The following HGD variants were observed in gnomAD, a reference collection of about 807,000 sequenced individuals.
The protein encoded by HGD is homogentisate 1,2-dioxygenase, also known as homogentisate oxidase.
Under a neutral mutation model 60.8 loss-of-function variants are expected in HGD, and 61 were observed. That is an observed-to-expected ratio of 1.00 (90% CI 0.82 to 1.24). The LOEUF is 1.24. Ranked by LOEUF, HGD falls within the 50% of genes most tolerant of loss-of-function variation. HGD has a pLI of 0.00. For missense variants in HGD, 542 were observed against 547.1 expected (o/e 0.99, Z 0.09); for synonymous variants, 212 against 187.7 (o/e 1.13, Z -1.06).
At position 120,652,942 on chromosome 3, in the gene HGD, T is replaced by G. The variant is rs2551605; in HGVS notation, c.283-291A>C. On this transcript the variant is annotated intron_variant, in intron 4 of 13. Transcript: ENST00000283871. ...TTATAAAAATAAAACCATTGCTTCC[T>G]TTTTTAGAAGCTATTTGTTTCTTTT... Among the ~76,000 whole-genome samples the G allele has an allele frequency of 3.9e-5, 6 of 152,186 alleles. No individual in the cohort carries two copies. In the East Asian group the frequency reaches 1.2e-3, roughly 29 times the overall value.
intron 6 of HGD, among the ~76,000 whole-genome samples, chr3:120,648,732 G>C (rs1941241013): frequency 6.6e-6 from 1 of 152,220 alleles, no homozygotes; most frequent in Non-Finnish European, 1.5e-5. Flanking sequence ...GGGAACCTTA[G>C]AAATTAAGGA....
chr3:120,658,676 T>C (rs1056747943), intron 4 of HGD, among the ~76,000 whole-genome samples: 5 of 152,194 alleles, frequency 3.3e-5, no homozygotes, highest in African/African-American at 1.2e-4. Flanking sequence ...CAACCCCACA[T>C]TTCCCCTCCA....
chr3:120,673,486 A>T (rs1381697177), intron 3 of HGD, among the ~76,000 whole-genome samples: 1 of 149,418 alleles, frequency 6.7e-6, no homozygotes. Flanking sequence ...CTGCGTGCTT[A>T]TCTTACCCTA....
Position 120,628,225 on chromosome 3 carries a change from T to C in HGD, c.*155A>G, listed in dbSNP as rs776810530. On this transcript the variant is annotated 3_prime_UTR_variant, in exon 14 of 14. Transcript: ENST00000283871. Reference sequence around the variant, plus strand: ...TAATTAAGGTGACAGCCATAGAACTTTGCAAATGCGTTTCCATAAAAGTTC... The same window carrying C: ...TAATTAAGGTGACAGCCATAGAACTCTGCAAATGCGTTTCCATAAAAGTTC... The C allele has an allele frequency of 2.0e-4, 163 of 802,234 alleles. No individual in the cohort carries two copies. The highest frequency in any genetic ancestry group is 3.0e-4 in the Non-Finnish European group (141 of 476,530). 49.7% of individuals were successfully genotyped at this position (802,234 alleles called of 1,614,324 possible). A position where few individuals can be genotyped will look rare whatever the true frequency, so the allele number is the denominator to read the frequency against.
chr3:120,636,116 CAAAAAAA>C (rs34434001), intron 12 of HGD, among the ~76,000 whole-genome samples: 99 of 113,218 alleles, frequency 8.7e-4, no homozygotes, highest in African/African-American at 3.2e-3. Flanking sequence ...ACTAACAATA[CAAAAAAA>C]AAAAAAAAAA....
rs1259944792 is a variant in HGD, at chr3:120,644,313, C to T, written c.774+6G>A. 1.2e-6 allele frequency: 2 copies of T among 1,612,548 alleles called. No individual in the cohort carries two copies. Among genetic ancestry groups the T allele is most frequent in the Non-Finnish European group, 1.7e-6 (2 of 1,178,782 alleles). On this transcript the variant is annotated splice_donor_region_variant and intron_variant, in intron 10 of 13. Coordinates refer to ENST00000283871, the MANE Select transcript of HGD (RefSeq NM_000187.4). ...CCTCCCTTGCCTGCCAACCCTTTTA[C>T]TTTACCTGTTTGGCAGCAAACAGCT...
chr3:120,628,874 A>G (rs945256263), intron 13 of HGD, among the ~76,000 whole-genome samples: 1 of 152,232 alleles, frequency 6.6e-6, no homozygotes, highest in African/African-American at 2.4e-5. Flanking sequence ...GGGAATATCC[A>G]TCTTCTGAGG....
At chr3:120,637,641 C>A (rs911305514) in intron 12 of HGD, among the ~76,000 whole-genome samples, 3 of 152,024 alleles carry the variant, frequency 2.0e-5, no homozygotes, top group Non-Finnish European at 4.4e-5. Context: ...TCTCTCTCTT[C>A]TTATTTCTCT....
At position 120,646,281 on chromosome 3, in the gene HGD, T is replaced by A. The variant is rs1297535948; in HGVS notation, c.635A>T (p.Asp212Val). ...EVYGVHFELP[D>V]LGPIGANGLA... ...TGAAGATTTACCAATTGGTCCAAGGTCAGGTAACTCAAAGTGGACACCATA... is the reference window on the plus strand; with the variant it reads ...TGAAGATTTACCAATTGGTCCAAGGACAGGTAACTCAAAGTGGACACCATA... Residue 212 changes from aspartate to valine, a missense_variant, in exon 9 of 14, where the codon GAC becomes GTC. By Grantham distance (152) the Asp-to-Val change is radical. Around this residue, in one of 2 missense-constraint regions of HGD, gnomAD observed 537 missense variants for 529.1 expected, o/e 1.01. Transcript: ENST00000283871. The A allele has an allele frequency of 6.8e-6, 11 of 1,607,862 alleles. No individual in the cohort carries two copies. The highest frequency in any genetic ancestry group is 9.4e-6 in the Non-Finnish European group (11 of 1,174,444).
chr3:120,628,252 G>C lies in HGD; in HGVS notation c.*128C>G, dbSNP rs1192072358. 1 of 1,046,916 alleles carries C rather than the reference G, an allele frequency of 9.6e-7. No homozygotes were observed. Among genetic ancestry groups the C allele is most frequent in the Non-Finnish European group, 1.5e-6 (1 of 678,182 alleles). The allele number at this position is 1,046,916 out of a possible 1,614,324, so 64.9% of individuals were successfully genotyped here. A position where few individuals can be genotyped will look rare whatever the true frequency, so the allele number is the denominator to read the frequency against. The stretch of plus-strand genomic sequence containing the variant: ...GCAAATGCGTTTCCATAAAAGTTCT[G>C]AGTTACTTGACTATGAAAAGTGAAT... On this transcript the variant is annotated 3_prime_UTR_variant, in exon 14 of 14. Coordinates refer to ENST00000283871, the MANE Select transcript of HGD (RefSeq NM_000187.4).
At chr3:120,639,735 GA>G (rs1940907895) in intron 11 of HGD, among the ~76,000 whole-genome samples, 1 of 152,222 alleles carries the variant, frequency 6.6e-6, no homozygotes, top group African/African-American at 2.4e-5. Flanking sequence ...TCCATTGGCA[GA>G]AAAGTCTGAG....
At chr3:120,665,192 C>CT (rs1303944242) in intron 4 of HGD, among the ~76,000 whole-genome samples, 5 of 151,930 alleles carry the variant, frequency 3.3e-5, no homozygotes, top group African/African-American at 7.3e-5. Flanking sequence ...TGTTTTGAAA[C>CT]TTTTTTTTAT....
chr3:120,670,625 C>T (rs1708006074), intron 3 of HGD, 93 bp from the exon 4 acceptor site: 2 of 794,006 alleles, frequency 2.5e-6, no homozygotes, highest in East Asian at 4.9e-5. Flanking sequence ...GGAAGACACT[C>T]AAGTCAACAA....
chr3:120,647,801 T>G, intron 7 of HGD, 76 bp downstream of exon 7: 1 of 1,093,810 alleles, frequency 9.1e-7, no homozygotes, highest in Non-Finnish European at 1.4e-6. Flanking sequence ...AGGAAAATAA[T>G]GTGTATAAAA....
chr3:120,676,709 T>C (rs1035803617), intron 1 of HGD, among the ~76,000 whole-genome samples: 4 of 152,250 alleles, frequency 2.6e-5, no homozygotes, highest in African/African-American at 4.8e-5. Flanking sequence ...GAACCCTTTT[T>C]GCTCTAACTT....
chr3:120,638,642 C>T lies in HGD; in HGVS notation c.880-61G>A. The stretch of plus-strand genomic sequence containing the variant: ...CAAGGGAAGTGACTGGACAATGACA[C>T]ACATTTCATGCATACATGAAGGTGT... On this transcript the variant is annotated intron_variant, in intron 11 of 13. Transcript: ENST00000283871. 3 of 1,593,298 alleles carry T rather than the reference C, an allele frequency of 1.9e-6. No individual in the cohort carries two copies. The South Asian group carries it at 3.3e-5, about 18-fold the overall frequency.
At chr3:120,674,878 C>A (rs1407710687) in intron 3 of HGD, 23 bp downstream of exon 3, 6 of 1,524,344 alleles carry the variant, frequency 3.9e-6, no homozygotes, top group South Asian at 1.1e-5. Context: ...GTCTGCAGGT[C>A]AGAATTCATC....
chr3:120,637,150 T>G (rs1940808385), intron 12 of HGD, among the ~76,000 whole-genome samples: 1 of 152,186 alleles, frequency 6.6e-6, no homozygotes, highest in Non-Finnish European at 1.5e-5. Flanking sequence ...ATTAAAAGCA[T>G]GCTATATATC....
intron 4 of HGD, 33 bp from the exon 5 acceptor site, chr3:120,652,684 T>C: frequency 1.4e-6 from 2 of 1,467,334 alleles, no homozygotes; most frequent in Non-Finnish European, 1.9e-6. Flanking sequence ...GAAAAATTAC[T>C]TCACAAGGGT....
Sources: gnomAD v4.1 joint callset for allele counts (sites outside exome capture counted in the v4.1 genomes callset) on GRCh38, gnomAD v4.1.1 for gene constraint, gnomAD v4.1.1 regional missense constraint, MANE v1.5 for transcripts, NCBI Gene and HGNC (gene_info 2026-07-23, HGNC 2026-07-21) for gene names.